GPC5: variants seen among roughly 807,000 people sequenced by gnomAD.
GPC5 encodes glypican 5.
A neutral mutation model predicts 53.9 loss-of-function variants in GPC5; 47 were observed. The observed-to-expected ratio is 0.87, with a 90% CI of 0.69 to 1.11. The LOEUF is 1.11. Among genes scored for constraint, GPC5 ranks in the 50% most tolerant of loss-of-function variants. The probability of loss-of-function intolerance (pLI) is 0.00; values close to 1 mark genes in which losing one functional copy is unlikely to be tolerated. For missense variants in GPC5, 748 were observed against 713.1 expected (o/e 1.05, Z -0.56); for synonymous variants, 286 against 263.3 (o/e 1.09, Z -0.84).
At chr13:91,798,975 T>C (rs1215949476) in intron 5 of GPC5, among the ~76,000 whole-genome samples, 2 of 152,222 alleles carry the variant, frequency 1.3e-5, no homozygotes, top group Non-Finnish European at 2.9e-5. Flanking sequence ...GATGGACTTT[T>C]TTTCATATGT....
intron 7 of GPC5, among the ~76,000 whole-genome samples, chr13:92,433,573 C>T (rs534279245): frequency 2.6e-5 from 4 of 151,894 alleles, no homozygotes; most frequent in African/African-American, 7.2e-5. Context: ...CAGTTGATGC[C>T]GAGGATGTCA....
At chr13:91,676,452 C>T (rs982043106) in intron 2 of GPC5, among the ~76,000 whole-genome samples, 3 of 151,906 alleles carry the variant, frequency 2.0e-5, no homozygotes, top group Non-Finnish European at 4.4e-5. Flanking sequence ...TATAGGTGTA[C>T]TCAGAAACAG....
At chr13:92,838,488 C>CCA (rs1252798286) in intron 7 of GPC5, among the ~76,000 whole-genome samples, 9 of 137,810 alleles carry the variant, frequency 6.5e-5, no homozygotes, top group South Asian at 4.7e-4. Flanking sequence ...GCGCCCCCCC[C>CCA]AAAAAAAAAA....
At chr13:92,792,073 C>A (rs1876485220) in intron 7 of GPC5, among the ~76,000 whole-genome samples, 1 of 152,006 alleles carries the variant, frequency 6.6e-6, no homozygotes, top group African/African-American at 2.4e-5. Context: ...GAATGGGATA[C>A]TCCTAGAGAA....
chr13:91,570,365 C>T (rs1040029661), intron 2 of GPC5, among the ~76,000 whole-genome samples: 2 of 152,110 alleles, frequency 1.3e-5, no homozygotes, highest in Non-Finnish European at 2.9e-5. Context: ...AGGAAATGTT[C>T]CTTGGCATAT....
At chr13:91,773,034 A>G (rs908724779) in intron 5 of GPC5, among the ~76,000 whole-genome samples, 2 of 152,140 alleles carry the variant, frequency 1.3e-5, no homozygotes, top group Non-Finnish European at 2.9e-5. Flanking sequence ...ATGATGTGAG[A>G]TTCTTGTTTG....
chr13:91,930,016 A>T (rs1347351838), intron 6 of GPC5, among the ~76,000 whole-genome samples: 2 of 152,060 alleles, frequency 1.3e-5, no homozygotes, highest in African/African-American at 4.8e-5. Flanking sequence ...CTAGCCTTTG[A>T]TGGCCTAGAA....
intron 7 of GPC5, among the ~76,000 whole-genome samples, chr13:92,466,844 G>T (rs1878710649): frequency 6.6e-6 from 1 of 152,048 alleles, no homozygotes; most frequent in South Asian, 2.1e-4. Context: ...AAAACGTTGA[G>T]TGAATATCAA....
intron 6 of GPC5, among the ~76,000 whole-genome samples, chr13:91,930,375 G>A (rs149283034): frequency 5.2e-4 from 79 of 152,020 alleles, no homozygotes; most frequent in African/African-American, 1.7e-3. Flanking sequence ...ATTCTTATAT[G>A]AACTCTATTA....
chr13:91,582,038 T>G (rs532704036), intron 2 of GPC5, among the ~76,000 whole-genome samples: 1 of 152,150 alleles, frequency 6.6e-6, no homozygotes, highest in Non-Finnish European at 1.5e-5. Context: ...TTTCAGATTC[T>G]GGAAGAGGCA....
chr13:91,697,793 T>TA (rs1320175910), intron 3 of GPC5, among the ~76,000 whole-genome samples: 1 of 152,054 alleles, frequency 6.6e-6, no homozygotes, highest in Non-Finnish European at 1.5e-5. Context: ...CATAAGAACA[T>TA]AGAGTCTGGT....
intron 7 of GPC5, among the ~76,000 whole-genome samples, chr13:92,457,295 T>C (rs777942289): frequency 3.9e-5 from 6 of 152,132 alleles, no homozygotes; most frequent in Non-Finnish European, 5.9e-5. Context: ...TGAATAGTGC[T>C]GTGATGAACA....
chr13:92,618,201 T>A (rs1228279612), intron 7 of GPC5, among the ~76,000 whole-genome samples: 1 of 152,146 alleles, frequency 6.6e-6, no homozygotes, highest in Non-Finnish European at 1.5e-5. Flanking sequence ...TACATAGTTA[T>A]TTGCACAGAT....
At chr13:92,194,774 C>T (rs2042246047) in intron 7 of GPC5, among the ~76,000 whole-genome samples, 1 of 152,168 alleles carries the variant, frequency 6.6e-6, no homozygotes, top group Admixed American at 6.5e-5. Context: ...TTAGCCTCCC[C>T]ATCAGATTTC....
intron 7 of GPC5, among the ~76,000 whole-genome samples, chr13:92,384,235 A>C (rs180992486): frequency 6.6e-6 from 1 of 152,164 alleles, no homozygotes; most frequent in African/African-American, 2.4e-5. Flanking sequence ...CTATTTGTAC[A>C]AGAAATGGAT....
intron 5 of GPC5, among the ~76,000 whole-genome samples, chr13:91,778,760 C>T (rs949076749): frequency 2.0e-5 from 3 of 152,102 alleles, no homozygotes; most frequent in East Asian, 3.9e-4. Flanking sequence ...TACAGTCATG[C>T]GTCACTAAAT....
At chr13:92,138,597 C>T (rs1398789090) in intron 6 of GPC5, among the ~76,000 whole-genome samples, 1 of 151,868 alleles carries the variant, frequency 6.6e-6, no homozygotes, top group African/African-American at 2.4e-5. Context: ...TCTGTAGATT[C>T]ATTTCATTTG....
In GPC5 at chr13:91,637,756, G is replaced by A. The variant is rs16946325; in HGVS notation, c.326-55431G>A. On this transcript the variant is annotated intron_variant, in intron 2 of 7. Transcript: ENST00000377067. ...TAAAAGAGAATTCAAGGGGACCTTC[G>A]GTGGGAAGCAATCTTGACCTACAAA... Among the ~76,000 whole-genome samples, 1,151 of 152,262 alleles carry A rather than the reference G, an allele frequency of 7.6e-3. 61 individuals are homozygous for A. The highest frequency in any genetic ancestry group is 0.07 in the Admixed American group (1,072 of 15,288).
At chr13:92,432,165 A>G (rs1877117325) in intron 7 of GPC5, among the ~76,000 whole-genome samples, 1 of 152,178 alleles carries the variant, frequency 6.6e-6, no homozygotes, top group African/African-American at 2.4e-5. Context: ...GGACACAGCA[A>G]GAAGGTGGCC....
Sources: gnomAD v4.1 joint callset for allele counts (sites outside exome capture counted in the v4.1 genomes callset) on GRCh38, gnomAD v4.1.1 for gene constraint, MANE v1.5 for transcripts, NCBI Gene and HGNC (gene_info 2026-07-23, HGNC 2026-07-21) for gene names.